DOCK8: variants seen among roughly 807,000 people sequenced by gnomAD.
DOCK8 encodes dedicator of cytokinesis 8.
In DOCK8, 141 loss-of-function variants were observed where a neutral mutation model predicts 245.6. The ratio of observed to expected loss-of-function variants is 0.57; its 90% CI spans 0.50 to 0.66. The LOEUF is 0.66. DOCK8 is among the 30% of genes least tolerant of loss of function. DOCK8 has a pLI of 0.00. For missense variants in DOCK8, 2,965 were observed against 2,603.4 expected, an observed-to-expected ratio of 1.14 and a Z score of -3.02; for synonymous variants, 1,168 against 970.2, an observed-to-expected ratio of 1.20 and a Z score of -3.79.
chr9:391,148 T>A (rs1378084538), intron 24 of DOCK8, among the ~76,000 whole-genome samples: 1 of 152,174 alleles, frequency 6.6e-6, no homozygotes, highest in Non-Finnish European at 1.5e-5. Context: ...TCCTGCTCCC[T>A]AACTTTCACC....
chr9:294,485 T>C (rs1392670811), intron 4 of DOCK8, among the ~76,000 whole-genome samples: 2 of 152,250 alleles, frequency 1.3e-5, no homozygotes, highest in East Asian at 3.8e-4. Flanking sequence ...TTTTAGTTAT[T>C]ATTTTAATCT....
intron 14 of DOCK8, among the ~76,000 whole-genome samples, chr9:346,123 G>A (rs933744715): frequency 6.6e-6 from 1 of 151,842 alleles, no homozygotes; most frequent in Non-Finnish European, 1.5e-5. Context: ...GAAATCACAA[G>A]CAGAAGGACA....
At chr9:313,936 A>C (rs1289579120) in intron 6 of DOCK8, among the ~76,000 whole-genome samples, 1 of 152,244 alleles carries the variant, frequency 6.6e-6, no homozygotes, top group Non-Finnish European at 1.5e-5. Flanking sequence ...ACTACTTGTC[A>C]ATTAAAAAAT....
intron 44 of DOCK8, among the ~76,000 whole-genome samples, chr9:449,003 G>C (rs150054994): frequency 6.6e-5 from 10 of 152,316 alleles, no homozygotes; most frequent in African/African-American, 1.9e-4. Context: ...GTGTTATGAT[G>C]GGGGAGAAAA....
At chr9:420,889 C>T in intron 31 of DOCK8, 60 bp from the exon 32 acceptor site, 2 of 1,603,738 alleles carry the variant, frequency 1.2e-6, no homozygotes, top group Non-Finnish European at 1.7e-6. Context: ...GTTTTGGTAA[C>T]TCTCCCCATC....
At chr9:423,246 G>A (rs4398983) in intron 33 of DOCK8, among the ~76,000 whole-genome samples, 2,090 of 152,268 alleles carry the variant, frequency 0.014, 26 homozygotes, top group Middle Eastern at 0.027. Flanking sequence ...CTATGCTATA[G>A]ATGAATAGAT....
At position 442,672 on chromosome 9, in the gene DOCK8, A is replaced by T. The variant is rs78446770; in HGVS notation, c.5490+663A>T. Among the ~76,000 whole-genome samples the T allele has an allele frequency of 5.8e-3, 876 of 151,292 alleles. 13 individuals are homozygous for T. Among genetic ancestry groups the T allele is most frequent in the African/African-American group, 0.021 (839 of 40,594 alleles). ...AGGTTATAAGGGCCAAACACTAAGA[A>T]CTCAGTCAAAGGTGCCTCCCCGATG... On this transcript the variant is annotated intron_variant, in intron 42 of 47. Transcript: ENST00000432829.
chr9:314,078 G>T (rs950289257), intron 6 of DOCK8, among the ~76,000 whole-genome samples: 1 of 152,158 alleles, frequency 6.6e-6, no homozygotes, highest in African/African-American at 2.4e-5. Context: ...GCCCTAACCC[G>T]CTAACTACAA....
chr9:464,342 T>C lies in DOCK8; in HGVS notation c.*123T>C, dbSNP rs966280096. 9.2e-6 allele frequency: 8 copies of C among 870,896 alleles called. No individual in the cohort carries two copies. Among genetic ancestry groups the C allele is most frequent in the Admixed American group, 9.1e-5 (5 of 55,116 alleles). 53.9% of individuals were successfully genotyped at this position (870,896 alleles called of 1,614,324 possible). A position where few individuals can be genotyped will look rare whatever the true frequency, so the allele number is the denominator to read the frequency against. ...TGTACACTCCCTGATCAGCCAGCAC[T>C]CTGGAAGCTTTGGGATCCCAGGAAC... On this transcript the variant is annotated 3_prime_UTR_variant, in exon 48 of 48. Transcript: ENST00000432829.
intron 14 of DOCK8, among the ~76,000 whole-genome samples, chr9:358,283 C>G (rs905990953): frequency 6.6e-6 from 1 of 152,090 alleles, no homozygotes; most frequent in Non-Finnish European, 1.5e-5. Flanking sequence ...CAGATGGGGT[C>G]TCACTATGTT....
chr9:256,244 C>G (rs1167509723), intron 1 of DOCK8, among the ~76,000 whole-genome samples: 2 of 152,176 alleles, frequency 1.3e-5, no homozygotes, highest in Admixed American at 6.5e-5. Flanking sequence ...ATGGTGGCTT[C>G]CTGGAGAATG....
At chr9:458,475 TG>T (rs2057709270) in intron 46 of DOCK8, 1 of 152,190 alleles carries the variant, frequency 6.6e-6, no homozygotes, top group African/African-American at 2.4e-5. Flanking sequence ...AACGAATGTT[TG>T]TCTGCCACAC....
chr9:377,263 C>A, intron 20 of DOCK8, 52 bp downstream of exon 20: 1 of 1,471,176 alleles, frequency 6.8e-7, no homozygotes, highest in Non-Finnish European at 9.1e-7. Flanking sequence ...GCAAGCATTG[C>A]CTTCTTTAAT....
At chr9:243,690 A>C (rs925212800) in intron 1 of DOCK8, among the ~76,000 whole-genome samples, 4 of 152,072 alleles carry the variant, frequency 2.6e-5, no homozygotes, top group African/African-American at 7.2e-5. Context: ...TGCAGCCTCA[A>C]GTGGTTCCAG....
intron 7 of DOCK8, among the ~76,000 whole-genome samples, chr9:323,576 A>T (rs1586698159): frequency 6.6e-6 from 1 of 152,232 alleles, no homozygotes; most frequent in East Asian, 1.9e-4. Flanking sequence ...GTACATTCAC[A>T]TTGTTCTGCA....
chr9:222,258 G>A (rs1350681700), intron 1 of DOCK8, among the ~76,000 whole-genome samples: 2 of 151,428 alleles, frequency 1.3e-5, no homozygotes, highest in Non-Finnish European at 2.9e-5. Context: ...GTGAAACCCT[G>A]TCTCAAAAAA....
At chr9:434,997 C>G (rs778776549) in intron 39 of DOCK8, 22 bp downstream of exon 39, 336 of 1,610,516 alleles carry the variant, frequency 2.1e-4, no homozygotes, top group Non-Finnish European at 2.7e-4. Context: ...GCAGCTTTTC[C>G]CTTAGAGCAG....
Position 390,544 on chromosome 9 carries a change from C to T in DOCK8, c.2948C>T (p.Ala983Val). The change falls in exon 24 of 48, where the codon GCC (alanine) becomes GTC (valine). Residue 983 changes from alanine (A) to valine (V), a missense_variant. Ala to Val is a moderately conservative substitution (Grantham distance 64). Coordinates refer to ENST00000432829, the MANE Select transcript of DOCK8 (RefSeq NM_203447.4). The stretch of plus-strand genomic sequence containing the variant: ...GTGAGAGAAACAGTCTTCAAGTATG[C>T]CTGGTTCTTCTTTGAGCTTCTGGTG... ...GMVRETVFKY[A>V]WFFFELLVKS... The T allele has an allele frequency of 6.2e-7, 1 of 1,614,144 alleles. No homozygotes were observed. Among genetic ancestry groups the T allele is most frequent in the Non-Finnish European group, 8.5e-7 (1 of 1,179,992 alleles).
chr9:432,701 C>G (rs2056761506), intron 37 of DOCK8, among the ~76,000 whole-genome samples: 1 of 152,000 alleles, frequency 6.6e-6, no homozygotes, highest in African/African-American at 2.4e-5. Context: ...AGGGATGACA[C>G]TAAAGGCTGG....
Sources: allele counts gnomAD v4.1 joint callset (sites outside exome capture counted in the v4.1 genomes callset), GRCh38; gene constraint gnomAD v4.1.1; transcripts MANE v1.5; gene names NCBI Gene and HGNC (gene_info 2026-07-23, HGNC 2026-07-21).